DPY19L4: variants seen among roughly 807,000 people sequenced by gnomAD.
The protein encoded by DPY19L4 is dpy-19 like 4, also known as probable C-mannosyltransferase DPY19L4.
In DPY19L4, 97 loss-of-function variants were observed where a neutral mutation model predicts 102.8. The ratio of observed to expected loss-of-function variants is 0.94; its 90% CI spans 0.80 to 1.12. The LOEUF (loss-of-function observed/expected upper bound fraction) is 1.12, where lower values mean the gene tolerates loss of function less well. Ranked by LOEUF, DPY19L4 falls within the 50% of genes most tolerant of loss-of-function variation. The pLI, the probability that DPY19L4 is intolerant of heterozygous loss-of-function variation, is 0.00. For synonymous variants in DPY19L4, 252 were observed against 283.1 expected (o/e 0.89, Z 1.10); for missense variants, 815 against 850.4 (o/e 0.96, Z 0.52).
chr8:94,774,524 GT>G (rs1389146557), intron 13 of DPY19L4, among the ~76,000 whole-genome samples: 4 of 149,608 alleles, frequency 2.7e-5, no homozygotes, highest in African/African-American at 7.4e-5. Context: ...AACAACTCTC[GT>G]TTTTTTCCCT....
chr8:94,749,232 A>G (rs1811811904), intron 6 of DPY19L4, among the ~76,000 whole-genome samples: 1 of 152,054 alleles, frequency 6.6e-6, no homozygotes, highest in Admixed American at 6.6e-5. Context: ...ACACAGCCAA[A>G]CCATATCACC....
At chr8:94,778,554 A>G (rs1813288847) in intron 14 of DPY19L4, among the ~76,000 whole-genome samples, 1 of 152,066 alleles carries the variant, frequency 6.6e-6, no homozygotes. Context: ...CACTTTCTTC[A>G]ACCTGCCAGC....
intron 1 of DPY19L4, 25 bp downstream of exon 1, chr8:94,720,039 C>A: frequency 6.6e-7 from 1 of 1,524,724 alleles, no homozygotes. Context: ...GTCCAGCGCG[C>A]CAACGGCTGC....
intron 3 of DPY19L4, among the ~76,000 whole-genome samples, chr8:94,735,011 T>C (rs1015036755): frequency 3.3e-5 from 5 of 152,232 alleles, no homozygotes; most frequent in African/African-American, 1.2e-4. Flanking sequence ...TTATGGAGTT[T>C]AGTCAGCCTT....
intron 1 of DPY19L4, among the ~76,000 whole-genome samples, chr8:94,725,289 C>T (rs777208607): frequency 7.2e-5 from 11 of 152,208 alleles, no homozygotes; most frequent in Non-Finnish European, 1.3e-4. Flanking sequence ...GGCAGGAACA[C>T]TCTGTACTTA....
chr8:94,735,457 A>G lies in DPY19L4; in HGVS notation c.252+703A>G, dbSNP rs151008087. 3.9e-5 allele frequency among the ~76,000 whole-genome samples: 6 copies of G among 152,320 alleles called. No individual in the cohort carries two copies. In the East Asian group the frequency reaches 1.2e-3, roughly 29 times the overall value. ...CTATATCTGTCTTGATTTAGCTATTACTGTAGCATATATTATTTCCCTGAA... is the reference window on the plus strand; with the variant it reads ...CTATATCTGTCTTGATTTAGCTATTGCTGTAGCATATATTATTTCCCTGAA... On this transcript the variant is annotated intron_variant, in intron 3 of 18. Coordinates refer to ENST00000414645, the MANE Select transcript of DPY19L4 (RefSeq NM_181787.3).
chr8:94,754,328 G>T (rs568463395), intron 6 of DPY19L4, among the ~76,000 whole-genome samples: 12 of 152,318 alleles, frequency 7.9e-5, no homozygotes, highest in African/African-American at 2.9e-4. Context: ...TTTGAAGTAT[G>T]TGTTTGTTTC....
intron 16 of DPY19L4, among the ~76,000 whole-genome samples, chr8:94,781,966 C>T (rs78950501): frequency 0.018 from 2,786 of 152,204 alleles, 81 homozygotes; most frequent in African/African-American, 0.063. Flanking sequence ...TACAGGATTC[C>T]ATAAGTAAAG....
chr8:94,780,136 A>C (rs985503165), intron 14 of DPY19L4, among the ~76,000 whole-genome samples: 1 of 152,136 alleles, frequency 6.6e-6, no homozygotes, highest in Non-Finnish European at 1.5e-5. Context: ...TTAAATTTTT[A>C]TAGTAAATGT....
chr8:94,723,916 ATTG>A (rs1231480857), intron 1 of DPY19L4, among the ~76,000 whole-genome samples: 1 of 152,132 alleles, frequency 6.6e-6, no homozygotes, highest in Non-Finnish European at 1.5e-5. Context: ...TTGAGAGATG[ATTG>A]TTGAGATTTG....
chr8:94,751,384 C>A (rs541901964), intron 6 of DPY19L4, among the ~76,000 whole-genome samples: 1 of 152,120 alleles, frequency 6.6e-6, no homozygotes, highest in African/African-American at 2.4e-5. Context: ...TCCCAAAGTG[C>A]TGGCATTATA....
chr8:94,743,865 A>G (rs1364109877), intron 6 of DPY19L4, among the ~76,000 whole-genome samples: 1 of 150,752 alleles, frequency 6.6e-6, no homozygotes, highest in Non-Finnish European at 1.5e-5. Context: ...AATTAGCCAG[A>G]TGTGGTGGCA....
chr8:94,732,516 A>T (rs976911634), intron 2 of DPY19L4, among the ~76,000 whole-genome samples: 9 of 152,212 alleles, frequency 5.9e-5, no homozygotes, highest in African/African-American at 2.2e-4. Context: ...ACATAGCAAG[A>T]ATCCTGTCTC....
chr8:94,727,180 A>G (rs1810727007), intron 2 of DPY19L4, among the ~76,000 whole-genome samples: 1 of 152,346 alleles, frequency 6.6e-6, no homozygotes, highest in South Asian at 2.1e-4. Context: ...ATTAGCTGGA[A>G]GGACTCACAA....
At position 94,734,708 on chromosome 8, in the gene DPY19L4, A is replaced by G. The variant is rs756337341; in HGVS notation, c.206A>G (p.Tyr69Cys). The change falls in exon 3 of 19, where the codon TAC (tyrosine) becomes TGC (cysteine). Residue 69 changes from tyrosine to cysteine, a missense_variant. Coordinates refer to ENST00000414645, the MANE Select transcript of DPY19L4 (RefSeq NM_181787.3). Reference sequence around the variant, plus strand: ...ACTAGTGGTATGATGTATGCTCTCTACTTATCAGCATACCATGAACGGAAA... The same window carrying G: ...ACTAGTGGTATGATGTATGCTCTCTGCTTATCAGCATACCATGAACGGAAA... Reference protein sequence around the residue: ...AVTSGMMYALYLSAYHERKFW... With the variant: ...AVTSGMMYALCLSAYHERKFW... 17 of 1,613,928 alleles carry G rather than the reference A, an allele frequency of 1.1e-5. No homozygotes were observed. Among genetic ancestry groups the G allele is most frequent in the South Asian group, 2.2e-5 (2 of 91,058 alleles).
rs1813377672 is a variant in DPY19L4, at chr8:94,780,393, T to C, written c.1610T>C (p.Ile537Thr). ...CTGAGCATGGCCGTGCCTACTATAA[T>C]AGGTCTCAGCTTATGGAAAGAGGTA... ...LILSMAVPTI[I>T]GLSLWKEFFP... The change falls in exon 15 of 19, where the codon ATA (isoleucine) becomes ACA (threonine). Residue 537 changes from isoleucine (I) to threonine (T), a missense_variant. Transcript: ENST00000414645. 2.0e-6 allele frequency: 3 copies of C among 1,492,622 alleles called. No individual in the cohort carries two copies. The Admixed American group carries it at 5.4e-5, about 27-fold the overall frequency. The allele number at this position is 1,492,622 out of a possible 1,614,324, so 92.5% of individuals were successfully genotyped here. A position where few individuals can be genotyped will look rare whatever the true frequency, so the allele number is the denominator to read the frequency against.
rs1212054327 is a variant in DPY19L4 at position 94,791,071 on chromosome 8, A to C, written c.*1161A>C. 6.6e-6 allele frequency: 1 copy of C among 152,162 alleles called. No homozygotes were observed. Among genetic ancestry groups the C allele is most frequent in the Non-Finnish European group, 1.5e-5 (1 of 67,966 alleles). 9.4% of individuals were successfully genotyped at this position (152,162 alleles called of 1,614,324 possible). ...TTATAGAGAGATTCAGGATAGATGT[A>C]GCCTATAGATGTGTCATTTTAATAA... On this transcript the variant is annotated 3_prime_UTR_variant, in exon 19 of 19. Transcript: ENST00000414645.
chr8:94,778,420 C>A (rs1813281865), intron 14 of DPY19L4, among the ~76,000 whole-genome samples: 1 of 152,062 alleles, frequency 6.6e-6, no homozygotes, highest in African/African-American at 2.4e-5. Context: ...TACATTCTGC[C>A]TGCTATGTGC....
chr8:94,726,980 G>C (rs1369497360), intron 2 of DPY19L4, among the ~76,000 whole-genome samples: 2 of 152,092 alleles, frequency 1.3e-5, no homozygotes, highest in African/African-American at 4.8e-5. Flanking sequence ...CTCTCCCTCA[G>C]ACAAAATACG....
Sources: gnomAD v4.1 joint callset for allele counts (sites outside exome capture counted in the v4.1 genomes callset) on GRCh38, gnomAD v4.1.1 for gene constraint, MANE v1.5 for transcripts, NCBI Gene and HGNC (gene_info 2026-07-23, HGNC 2026-07-21) for gene names.